Variants in LRRFIP1 observed in about 807,000 individuals in gnomAD.
LRRFIP1 encodes the protein leucine-rich repeat flightless-interacting protein 1.
In LRRFIP1, 62 loss-of-function variants were observed where a neutral mutation model predicts 104.4. The observed-to-expected ratio is 0.59, with a 90% CI of 0.48 to 0.73. LRRFIP1 has a LOEUF of 0.73. LRRFIP1 is among the 30% of genes least tolerant of loss of function. The pLI is 0.00. For missense variants in LRRFIP1, 796 were observed against 824.5 expected (o/e 0.97, Z 0.42); for synonymous variants, 300 against 299.0 (o/e 1.00, Z -0.03).
At chr2:237,720,678 G>T (rs1309211278) in intron 5 of LRRFIP1, 94 bp from the exon 6 acceptor site, 1 of 1,131,746 alleles carries the variant, frequency 8.8e-7, no homozygotes, top group East Asian at 2.4e-5. Context: ...GTGGGTTGGG[G>T]TCAGTTCCCA....
chr2:237,656,393 C>A (rs1181952482), intron 1 of LRRFIP1, among the ~76,000 whole-genome samples: 1 of 152,158 alleles, frequency 6.6e-6, no homozygotes, highest in East Asian at 1.9e-4. Flanking sequence ...CATATGTATG[C>A]ATTTGTTTCT....
intron 14 of LRRFIP1, 134 bp from the exon 15 acceptor site, chr2:237,753,172 TTTC>T (rs1396043704): frequency 1.0e-5 from 6 of 595,786 alleles, no homozygotes; most frequent in African/African-American, 3.9e-5. Context: ...TTGCCATGTG[TTTC>T]TTCTTCTGAT....
chr2:237,678,912 T>C (rs867552571), intron 1 of LRRFIP1, among the ~76,000 whole-genome samples: 2 of 152,200 alleles, frequency 1.3e-5, no homozygotes, highest in Non-Finnish European at 2.9e-5. Context: ...TAGCAACTCA[T>C]TTAATCCTTA....
intron 13 of LRRFIP1, among the ~76,000 whole-genome samples, chr2:237,750,708 C>T (rs541118994): frequency 7.2e-5 from 11 of 152,110 alleles, no homozygotes; most frequent in Admixed American, 1.3e-4. Flanking sequence ...TTAGGTTGCG[C>T]GTGCCGTTCA....
At chr2:237,764,578 A>G in intron 19 of LRRFIP1, 4 of 1,004,648 alleles carry the variant, frequency 4.0e-6, no homozygotes, top group Non-Finnish European at 3.6e-6. Flanking sequence ...TCTTGTTCAC[A>G]TATGTGTACT....
intron 1 of LRRFIP1, among the ~76,000 whole-genome samples, chr2:237,635,327 A>G (rs2082928997): frequency 6.6e-6 from 1 of 152,212 alleles, no homozygotes; most frequent in Non-Finnish European, 1.5e-5. Flanking sequence ...TATACAGAAA[A>G]TAAAGATAGC....
At chr2:237,758,043 A>G (rs138411110) in intron 17 of LRRFIP1, among the ~76,000 whole-genome samples, 95 of 152,264 alleles carry the variant, frequency 6.2e-4, no homozygotes, top group Non-Finnish European at 9.7e-4. Flanking sequence ...TTAGAATTGA[A>G]GGATAGGGGG....
intron 7 of LRRFIP1, among the ~76,000 whole-genome samples, chr2:237,727,560 A>G (rs2094809506): frequency 6.6e-6 from 1 of 152,198 alleles, no homozygotes; most frequent in Non-Finnish European, 1.5e-5. Context: ...CAGCCTGACA[A>G]GGAAATGGCC....
intron 1 of LRRFIP1, among the ~76,000 whole-genome samples, chr2:237,630,537 T>C (rs2082192884): frequency 6.6e-6 from 1 of 152,152 alleles, no homozygotes; most frequent in South Asian, 2.1e-4. Context: ...TTCTGAAGGT[T>C]TGGACATGAG....
rs2088038851 is a variant in LRRFIP1, at chr2:237,661,842, C to G, written c.96+34102C>G. Reference sequence around the variant, plus strand: ...CTGAGTGGCATAGGCTCTCCTGACCCAGGTACCTATCAGCCCCCAAAATAG... The same window carrying G: ...CTGAGTGGCATAGGCTCTCCTGACCGAGGTACCTATCAGCCCCCAAAATAG... On this transcript the variant is annotated intron_variant, in intron 1 of 23. Coordinates refer to ENST00000308482, the MANE Select transcript of LRRFIP1 (RefSeq NM_001137550.2). The surrounding 1 kb of genome is among the most constrained non-coding windows in gnomAD (Gnocchi z 4.4). Among the ~76,000 whole-genome samples, 1 of 152,192 alleles carries G rather than the reference C, an allele frequency of 6.6e-6. No individual in the cohort carries two copies. Among genetic ancestry groups the G allele is most frequent in the South Asian group, 2.1e-4 (1 of 4,826 alleles).
At chr2:237,754,095 A>G (rs1267809392) in intron 15 of LRRFIP1, among the ~76,000 whole-genome samples, 1 of 152,194 alleles carries the variant, frequency 6.6e-6, no homozygotes, top group African/African-American at 2.4e-5. Flanking sequence ...AAACATACCT[A>G]TGAAAGAGCC....
chr2:237,627,748 CTCCGGGAGGGCA>C lies in LRRFIP1; in HGVS notation c.96+9_96+20del. The stretch of plus-strand genomic sequence containing the variant: ...AACCAGATCGCGCGGGAGGTGAGCG[CTCCGGGAGGGCA>C]GCCGGGGGGCGCCGGGCGGGCGCGG... On this transcript the variant is annotated intron_variant, in intron 1 of 23. Transcript: ENST00000308482. 7.9e-7 allele frequency: 1 copy of C among 1,263,122 alleles called. No homozygotes were observed. The highest frequency in any genetic ancestry group is 1.0e-6 in the Non-Finnish European group (1 of 999,030). The allele number at this position is 1,263,122 out of a possible 1,614,324, so 78.2% of individuals were successfully genotyped here. A position where few individuals can be genotyped will look rare whatever the true frequency, so the allele number is the denominator to read the frequency against.
At position 237,651,473 on chromosome 2, in the gene LRRFIP1, C is replaced by T. The variant is rs528021596; in HGVS notation, c.96+23733C>T. On this transcript the variant is annotated intron_variant, in intron 1 of 23. Transcript: ENST00000308482. ...TTTGAATCAGGATCTAGAGAGTCCA[C>T]GCATCATGTCTGGGTGTTCTGCCTC... is the stretch of plus-strand genomic sequence containing the variant. Among the ~76,000 whole-genome samples the T allele has an allele frequency of 3.2e-4, 49 of 152,312 alleles. No individual in the cohort carries two copies. The South Asian group carries it at 5.2e-3, about 16-fold the overall frequency.
At chr2:237,749,442 C>T (rs2304432) in intron 13 of LRRFIP1, 118 bp downstream of exon 13, 1 of 1,169,196 alleles carries the variant, frequency 8.6e-7, no homozygotes, top group Non-Finnish European at 1.2e-6. Flanking sequence ...GGTCCTCTCT[C>T]CCTCACCTCC....
intron 19 of LRRFIP1, chr2:237,765,898 C>G: frequency 3.0e-6 from 3 of 985,082 alleles, no homozygotes; most frequent in Non-Finnish European, 3.6e-6. Flanking sequence ...GAAATAAAAA[C>G]ATTTTATAAT....
At chr2:237,779,284 A>C (rs2061352848) in intron 23 of LRRFIP1, 138 bp from the exon 24 acceptor site, 4 of 1,331,302 alleles carry the variant, frequency 3.0e-6, no homozygotes. Context: ...GTTTCAGAGG[A>C]GGAAGGGCAT....
At position 237,667,017 on chromosome 2, in the gene LRRFIP1, G is replaced by GT. The variant is rs563797371; in HGVS notation, c.96+39287dup. Among the ~76,000 whole-genome samples, 774 of 139,290 alleles carry GT rather than the reference G, an allele frequency of 5.6e-3. 5 individuals carry two copies. Among genetic ancestry groups the GT allele is most frequent in the African/African-American group, 0.017 (633 of 37,712 alleles). The allele number at this position is 139,290 out of a possible 152,430, so 91.4% of individuals were successfully genotyped here. On this transcript the variant is annotated intron_variant, in intron 1 of 23. Transcript: ENST00000308482. ...TTTCACAGATAGCTTGTTTCTAGTT[G>GT]TTTTTTTTTTCACTTTAAGTTCTGG...
intron 5 of LRRFIP1, among the ~76,000 whole-genome samples, 198 bp downstream of exon 5, chr2:237,719,765 A>T (rs1331978567): frequency 1.3e-5 from 2 of 152,094 alleles, no homozygotes; most frequent in African/African-American, 4.8e-5. Context: ...TAGCATTTTG[A>T]CCTAAATTTG....
Position 237,649,004 on chromosome 2 carries a change from T to C in LRRFIP1, c.96+21264T>C, listed in dbSNP as rs567919295. Among the ~76,000 whole-genome samples, 3 of 152,086 alleles carry C rather than the reference T, an allele frequency of 2.0e-5. No homozygotes were observed. In the South Asian group the frequency reaches 6.2e-4, roughly 32 times the overall value. On this transcript the variant is annotated intron_variant, in intron 1 of 23. Transcript: ENST00000308482. This position sits in a 1 kb window ranked among gnomAD's most constrained non-coding sequence, Gnocchi z 4.1. ...CTTGAAGGAGTTCCAGAAACAGGCATGGCTGGTGTGAGAGGAGGCGTCCTT... is the reference window on the plus strand; with the variant it reads ...CTTGAAGGAGTTCCAGAAACAGGCACGGCTGGTGTGAGAGGAGGCGTCCTT...
Sources: gnomAD v4.1 joint callset for allele counts (sites outside exome capture counted in the v4.1 genomes callset) on GRCh38, gnomAD v4.1.1 for gene constraint, Gnocchi (gnomAD v3.1) non-coding constraint, MANE v1.5 for transcripts, NCBI Gene and HGNC (gene_info 2026-07-23, HGNC 2026-07-21) for gene names.